TACC2: variants seen among roughly 807,000 people sequenced by gnomAD.
TACC2 encodes transforming acidic coiled-coil containing protein 2.
In TACC2, 137 loss-of-function variants were observed where a neutral mutation model predicts 227.3. That is an observed-to-expected ratio of 0.60 (90% CI 0.52 to 0.69). The LOEUF (loss-of-function observed/expected upper bound fraction) is 0.69, where lower values mean the gene tolerates loss of function less well. TACC2 is among the 30% of genes least tolerant of loss of function. The pLI, the probability that TACC2 is intolerant of heterozygous loss-of-function variation, is 0.00. For missense variants in TACC2, 3,470 were observed against 3,694.4 expected (o/e 0.94, Z 1.57); for synonymous variants, 1,523 against 1,487.5 (o/e 1.02, Z -0.55).
Position 122,086,029 on chromosome 10 carries a change from C to A in TACC2, c.3529C>A (p.Leu1177Ile). ...TSGEEASTSA[L>I]RESCQAEHPM... is the part of the protein sequence containing the mutation. The stretch of plus-strand genomic sequence containing the variant: ...CGGGGAGGAAGCTTCTACCTCTGCC[C>A]TACGTGAGTCCTGCCAAGCTGAGCA... The change falls in exon 4 of 23, where the codon CTA becomes ATA. Residue 1177 changes from leucine to isoleucine, a missense_variant. Transcript: ENST00000369005. 1 of 1,613,978 alleles carries A rather than the reference C, an allele frequency of 6.2e-7. No individual in the cohort carries two copies. The highest frequency in any genetic ancestry group is 8.5e-7 in the Non-Finnish European group (1 of 1,180,026).
chr10:122,182,579 C>T (rs545145775), intron 7 of TACC2, among the ~76,000 whole-genome samples: 30 of 152,292 alleles, frequency 2.0e-4, no homozygotes, highest in African/African-American at 6.5e-4. Flanking sequence ...GCGTGATTGT[C>T]CTGTGCACTA....
chr10:121,992,895 C>T (rs1953089678), intron 1 of TACC2, among the ~76,000 whole-genome samples: 1 of 150,888 alleles, frequency 6.6e-6, no homozygotes, highest in African/African-American at 2.4e-5. Flanking sequence ...GCAGAGGTTG[C>T]AGTGAGCCAA....
At chr10:122,177,756 G>T (rs944362248) in intron 7 of TACC2, among the ~76,000 whole-genome samples, 1 of 152,106 alleles carries the variant, frequency 6.6e-6, no homozygotes, top group African/African-American at 2.4e-5. Context: ...GATTTCAGAG[G>T]TGTACAGGGG....
intron 22 of TACC2, among the ~76,000 whole-genome samples, chr10:122,253,648 C>A (rs1362934669): frequency 2.0e-5 from 3 of 152,218 alleles, no homozygotes; most frequent in Admixed American, 6.5e-5. Context: ...CCTTCCCGGG[C>A]AAATAAAGGG....
chr10:122,095,847 G>A (rs2081323663), intron 5 of TACC2, among the ~76,000 whole-genome samples: 1 of 152,222 alleles, frequency 6.6e-6, no homozygotes, highest in African/African-American at 2.4e-5. Flanking sequence ...AATGAGGCTG[G>A]TGCCACTAAG....
At chr10:122,161,271 T>G (rs1456580990) in intron 7 of TACC2, among the ~76,000 whole-genome samples, 1 of 152,116 alleles carries the variant, frequency 6.6e-6, no homozygotes, top group Admixed American at 6.6e-5. Flanking sequence ...TTGACAGCCG[T>G]GAGATGGTGT....
At chr10:122,079,311 A>T (rs752997953) in intron 3 of TACC2, among the ~76,000 whole-genome samples, 2 of 152,194 alleles carry the variant, frequency 1.3e-5, no homozygotes, top group Non-Finnish European at 2.9e-5. Flanking sequence ...AAGACACTTT[A>T]TCCAAACCCC....
At chr10:122,143,800 G>T in intron 7 of TACC2, 94 bp downstream of exon 7, 1 of 1,410,884 alleles carries the variant, frequency 7.1e-7, no homozygotes, top group South Asian at 1.3e-5. Flanking sequence ...CCGCATTTAG[G>T]ATGGTAACAA....
intron 1 of TACC2, among the ~76,000 whole-genome samples, chr10:121,994,029 T>C (rs1268853612): frequency 1.3e-5 from 2 of 152,206 alleles, no homozygotes; most frequent in Non-Finnish European, 1.5e-5. Flanking sequence ...GAGTTTTCAG[T>C]GACGGTATAT....
chr10:122,054,506 A>C (rs1286724837), intron 3 of TACC2, among the ~76,000 whole-genome samples: 2 of 152,212 alleles, frequency 1.3e-5, no homozygotes, highest in African/African-American at 4.8e-5. Flanking sequence ...TAGATCCTTA[A>C]GACACAACTG....
chr10:122,022,306 A>T (rs1957428787), intron 2 of TACC2: 2 of 304,668 alleles, frequency 6.6e-6, no homozygotes, highest in South Asian at 1.0e-4. Flanking sequence ...CAGTGGCATG[A>T]TCATAGCTCA....
intron 16 of TACC2, among the ~76,000 whole-genome samples, chr10:122,236,770 A>C (rs2095864577): frequency 6.6e-6 from 1 of 152,182 alleles, no homozygotes; most frequent in Admixed American, 6.5e-5. Flanking sequence ...AACAGACTTC[A>C]TGGCAACAGA....
At position 122,082,943 on chromosome 10, in the gene TACC2, G is replaced by A. The variant is rs746213186; in HGVS notation, c.443G>A (p.Gly148Glu). 4.3e-6 allele frequency: 7 copies of A among 1,612,894 alleles called. No individual in the cohort carries two copies. The South Asian group carries it at 6.6e-5, about 15-fold the overall frequency. ...PRREPAPNAP[G>E]DIAAAFPAER... The stretch of plus-strand genomic sequence containing the variant: ...AGGGAACCTGCCCCAAATGCCCCAG[G>A]AGACATCGCGGCGGCATTTCCCGCT... The change falls in exon 4 of 23, where the codon GGA (glycine) becomes GAA (glutamate). Residue 148 changes from glycine (G) to glutamate (E), a missense_variant. Gly to Glu is a moderately conservative substitution (Grantham distance 98). Transcript: ENST00000369005.
At position 122,006,208 on chromosome 10, in the gene TACC2, GGAGGCC is replaced by G. The variant is rs1270569949; in HGVS notation, c.-45-15724_-45-15719del. Among the ~76,000 whole-genome samples the G allele has an allele frequency of 5.3e-5, 8 of 152,170 alleles. No individual in the cohort carries two copies. The East Asian group carries it at 1.4e-3, about 26-fold the overall frequency. ...TCAAGCCTATAATCCCAGCACTTTG[GGAGGCC>G]GAGGTGGGTGGATCACGAGGTCAGG... On this transcript the variant is annotated intron_variant, in intron 1 of 22. Transcript: ENST00000369005.
chr10:122,071,694 GA>G (rs1343489339), intron 3 of TACC2, among the ~76,000 whole-genome samples: 1 of 106,864 alleles, frequency 9.4e-6, no homozygotes, highest in Non-Finnish European at 1.9e-5. Context: ...GCCAACATGG[GA>G]AAACCCTGTC....
intron 3 of TACC2, among the ~76,000 whole-genome samples, chr10:122,066,883 T>C (rs1294288937): frequency 6.6e-6 from 1 of 152,238 alleles, no homozygotes; most frequent in Admixed American, 6.5e-5. Flanking sequence ...AAGTACAATA[T>C]ACATCTTTAA....
chr10:122,174,127 T>G (rs1286783998), intron 7 of TACC2, among the ~76,000 whole-genome samples: 1 of 152,216 alleles, frequency 6.6e-6, no homozygotes, highest in Non-Finnish European at 1.5e-5. Flanking sequence ...CTCCATTTCC[T>G]CTTTGTTTTT....
At chr10:122,033,468 C>T (rs1047282764) in intron 2 of TACC2, among the ~76,000 whole-genome samples, 1 of 152,148 alleles carries the variant, frequency 6.6e-6, no homozygotes, top group Non-Finnish European at 1.5e-5. Flanking sequence ...AATACTAACC[C>T]CTCCAAACTC....
chr10:122,153,180 A>C (rs1037955301), intron 7 of TACC2, among the ~76,000 whole-genome samples: 2 of 151,850 alleles, frequency 1.3e-5, no homozygotes, highest in African/African-American at 4.8e-5. Flanking sequence ...ATTTTTAGTA[A>C]AGACAGAGTT....
Sources: allele counts gnomAD v4.1 joint callset (sites outside exome capture counted in the v4.1 genomes callset), GRCh38; gene constraint gnomAD v4.1.1; transcripts MANE v1.5; gene names NCBI Gene and HGNC (gene_info 2026-07-23, HGNC 2026-07-21).